ZMIZ1: variants seen among roughly 807,000 people sequenced by gnomAD.
ZMIZ1 encodes zinc finger MIZ-type containing 1.
A neutral mutation model predicts 113.9 loss-of-function variants in ZMIZ1; 17 were observed. The ratio of observed to expected loss-of-function variants is 0.15; its 90% confidence interval spans 0.10 to 0.22. The LOEUF (loss-of-function observed/expected upper bound fraction) is 0.22. Among genes scored for constraint, ZMIZ1 ranks in the 10% least tolerant of loss-of-function variants. The pLI is 1.00. For synonymous variants in ZMIZ1, 607 were observed against 603.1 expected, an observed-to-expected ratio of 1.01 and a Z score of -0.09; for missense variants, 1,059 against 1,477.8, an observed-to-expected ratio of 0.72 and a Z score of 4.65.
At chr10:79,288,320 C>T (rs1008260982) in intron 8 of ZMIZ1, among the ~76,000 whole-genome samples, 1 of 152,208 alleles carries the variant, frequency 6.6e-6, no homozygotes, top group African/African-American at 2.4e-5. Context: ...CCAGAGGTGC[C>T]TCCTCAGCAC....
intron 4 of ZMIZ1, among the ~76,000 whole-genome samples, chr10:79,191,754 A>T (rs1847613526): frequency 6.6e-6 from 1 of 152,238 alleles, no homozygotes. Flanking sequence ...AATCAGACCT[A>T]GATTCAAATC....
intron 8 of ZMIZ1, among the ~76,000 whole-genome samples, chr10:79,281,327 C>A (rs1203868613): frequency 6.6e-6 from 1 of 152,210 alleles, no homozygotes; most frequent in African/African-American, 2.4e-5. Context: ...CATTGACAGG[C>A]AGACTGGGCT....
chr10:79,248,931 C>G (rs532874837), intron 7 of ZMIZ1, among the ~76,000 whole-genome samples: 32 of 152,244 alleles, frequency 2.1e-4, no homozygotes, highest in African/African-American at 7.5e-4. Flanking sequence ...GTGTTGAATC[C>G]CTGCTCCCTG....
At position 79,095,332 on chromosome 10, in the gene ZMIZ1, C is replaced by A. The variant is rs1372258626; in HGVS notation, c.-336-23583C>A. 4.6e-5 allele frequency among the ~76,000 whole-genome samples: 7 copies of A among 152,176 alleles called. No individual in the cohort carries two copies. The East Asian group carries it at 1.3e-3, about 29-fold the overall frequency. On this transcript the variant is annotated intron_variant, in intron 1 of 24. Coordinates refer to ENST00000334512, the MANE Select transcript of ZMIZ1 (RefSeq NM_020338.4). ...TTTTGAGGGCAGAACGCTATCAAGT[C>A]AAATATTTTCCTGATTTAATTTCAA... is the stretch of plus-strand genomic sequence containing the variant.
At chr10:79,217,875 C>A (rs552392345) in intron 7 of ZMIZ1, among the ~76,000 whole-genome samples, 4 of 152,224 alleles carry the variant, frequency 2.6e-5, no homozygotes, top group Non-Finnish European at 4.4e-5. Flanking sequence ...CAAGGGACAT[C>A]TATTCCTGAT....
At chr10:79,242,353 C>T (rs1262007902) in intron 7 of ZMIZ1, among the ~76,000 whole-genome samples, 2 of 151,978 alleles carry the variant, frequency 1.3e-5, no homozygotes, top group Admixed American at 6.5e-5. Flanking sequence ...AGGAACTCCC[C>T]GAAGTCGGGG....
rs1231904009 is a variant in ZMIZ1 at position 79,165,688 on chromosome 10, C to T, written c.-50+3555C>T. Among the ~76,000 whole-genome samples the T allele has an allele frequency of 2.0e-5, 3 of 152,160 alleles. 1 individual carries two copies. Among genetic ancestry groups the T allele is most frequent in the South Asian group, 4.1e-4 (2 of 4,834 alleles). Reference sequence around the variant, plus strand: ...CAGTGTGGGGCCCAAGCATTCAGGCCGGAGAGTTCGGACCTGCCCTCCCAC... The same window carrying T: ...CAGTGTGGGGCCCAAGCATTCAGGCTGGAGAGTTCGGACCTGCCCTCCCAC... On this transcript the variant is annotated intron_variant, in intron 4 of 24. Transcript: ENST00000334512.
intron 1 of ZMIZ1, among the ~76,000 whole-genome samples, chr10:79,078,044 C>T (rs1049285559): frequency 2.0e-5 from 3 of 152,196 alleles, no homozygotes; most frequent in African/African-American, 7.2e-5. Context: ...AAGGGCTGGC[C>T]CATCATCTCT....
chr10:79,216,720 T>A (rs777813494), intron 7 of ZMIZ1, among the ~76,000 whole-genome samples: 11 of 152,232 alleles, frequency 7.2e-5, no homozygotes, highest in Non-Finnish European at 1.3e-4. Context: ...GGCCTGTACT[T>A]CAGAGTCAGC....
At position 79,230,568 on chromosome 10, in the gene ZMIZ1, C is replaced by T. The variant is rs544194445; in HGVS notation, c.280+14294C>T. ...TAAGCGTCTGCCGGGAGTCGAGGGGCCCGCCTGTGTGCAGGGTCCATGTCT... is the reference window on the plus strand; with the variant it reads ...TAAGCGTCTGCCGGGAGTCGAGGGGTCCGCCTGTGTGCAGGGTCCATGTCT... On this transcript the variant is annotated intron_variant, in intron 7 of 24. Transcript: ENST00000334512. Among the ~76,000 whole-genome samples the T allele has an allele frequency of 2.2e-4, 34 of 152,320 alleles. 1 individual carries two copies. The highest frequency in any genetic ancestry group is 7.2e-4 in the Admixed American group (11 of 15,302).
At chr10:79,244,973 G>A (rs533859730) in intron 7 of ZMIZ1, among the ~76,000 whole-genome samples, 8 of 152,322 alleles carry the variant, frequency 5.3e-5, no homozygotes, top group African/African-American at 1.4e-4. Flanking sequence ...CTCCTAACAA[G>A]CCTTTCCCCT....
chr10:79,293,908 G>T, intron 12 of ZMIZ1: 1 of 592,118 alleles, frequency 1.7e-6, no homozygotes, highest in South Asian at 2.0e-5. Context: ...GAAGTGCTTG[G>T]CCCTGGGCTG....
intron 20 of ZMIZ1, 60 bp downstream of exon 20, chr10:79,305,291 C>A: frequency 6.4e-7 from 1 of 1,557,984 alleles, no homozygotes; most frequent in African/African-American, 1.4e-5. Flanking sequence ...ACGGGAGGGG[C>A]CAGCTACCTC....
intron 7 of ZMIZ1, among the ~76,000 whole-genome samples, chr10:79,216,716 T>C (rs1012258924): frequency 1.3e-5 from 2 of 152,242 alleles, no homozygotes; most frequent in Admixed American, 1.3e-4. Context: ...CCTAGGCCTG[T>C]ACTTCAGAGT....
chr10:79,199,099 C>T (rs548485691), intron 4 of ZMIZ1, among the ~76,000 whole-genome samples: 19 of 151,912 alleles, frequency 1.3e-4, no homozygotes, highest in African/African-American at 4.6e-4. Flanking sequence ...GCCCCCAGAG[C>T]AGAGGGGCCT....
Position 79,164,420 on chromosome 10 carries a change from G to A in ZMIZ1, c.-50+2287G>A, listed in dbSNP as rs545288218. On this transcript the variant is annotated intron_variant, in intron 4 of 24. Transcript: ENST00000334512. Reference sequence around the variant, plus strand: ...TTCTGTTAATTGAGTGAGTGAGTGAGTGAGTGAGTGAGTGAGTGATTCTCA... The same window carrying A: ...TTCTGTTAATTGAGTGAGTGAGTGAATGAGTGAGTGAGTGAGTGATTCTCA... Among the ~76,000 whole-genome samples, 8 of 142,680 alleles carry A rather than the reference G, an allele frequency of 5.6e-5. No homozygotes were observed. In the South Asian group the frequency reaches 1.1e-3, roughly 20 times the overall value. 93.6% of individuals were successfully genotyped at this position (142,680 alleles called of 152,430 possible). A position where few individuals can be genotyped will look rare whatever the true frequency, so the allele number is the denominator to read the frequency against.
At chr10:79,093,963 C>T (rs1400769183) in intron 1 of ZMIZ1, among the ~76,000 whole-genome samples, 3 of 152,180 alleles carry the variant, frequency 2.0e-5, no homozygotes, top group African/African-American at 7.2e-5. Context: ...AGCCAATTTG[C>T]ATTTTGGGAA....
chr10:79,311,626 G>A (rs560718418), intron 24 of ZMIZ1, among the ~76,000 whole-genome samples: 176 of 152,126 alleles, frequency 1.2e-3, no homozygotes, highest in Admixed American at 1.4e-3. Context: ...TGTTGTCCAT[G>A]CCCTGCTTCT....
intron 1 of ZMIZ1, among the ~76,000 whole-genome samples, chr10:79,107,910 C>T (rs1365701789): frequency 3.9e-5 from 6 of 152,170 alleles, no homozygotes; most frequent in Non-Finnish European, 1.5e-5. Flanking sequence ...CCTGAGGGCC[C>T]TGGCATGGGG....
Sources: gnomAD v4.1 joint callset for allele counts (sites outside exome capture counted in the v4.1 genomes callset) on GRCh38, gnomAD v4.1.1 for gene constraint, MANE v1.5 for transcripts, NCBI Gene and HGNC (gene_info 2026-07-23, HGNC 2026-07-21) for gene names.